The following PLB1 variants were observed in gnomAD, a reference collection of about 807,000 sequenced individuals.
The protein encoded by PLB1 is phospholipase B1.
PLB1 carries 242 observed loss-of-function variants against 227.4 expected under a neutral mutation model. The ratio of observed to expected loss-of-function variants is 1.06; its 90% CI spans 0.96 to 1.18. The LOEUF (loss-of-function observed/expected upper bound fraction) is 1.18, where lower values mean the gene tolerates loss of function less well. Ranked by LOEUF, PLB1 falls within the 50% of genes most tolerant of loss-of-function variation. PLB1 has a pLI of 0.00. For synonymous variants in PLB1, 757 were observed against 682.2 expected (o/e 1.11, Z -1.71); for missense variants, 1,858 against 1,816.3 (o/e 1.02, Z -0.42).
At chr2:28,528,424 A>C (rs1443050324) in intron 6 of PLB1, among the ~76,000 whole-genome samples, 1 of 152,184 alleles carries the variant, frequency 6.6e-6, no homozygotes, top group Non-Finnish European at 1.5e-5. Flanking sequence ...TCTGGCTGTC[A>C]GCTCTGGGAC....
chr2:28,541,649 G>A (rs901054260), intron 12 of PLB1, 58 bp from the exon 13 acceptor site: 12 of 1,361,558 alleles, frequency 8.8e-6, no homozygotes, highest in Non-Finnish European at 1.2e-5. Context: ...GTCAGGTCTG[G>A]GGCCGGCTCT....
intron 1 of PLB1, among the ~76,000 whole-genome samples, chr2:28,499,295 A>G (rs1037567675): frequency 8.5e-5 from 13 of 152,272 alleles, no homozygotes; most frequent in African/African-American, 2.6e-4. Flanking sequence ...TAATGCACAT[A>G]GCGTTGTTCC....
At chr2:28,618,501 C>A in intron 46 of PLB1, 102 bp downstream of exon 46, 2 of 1,250,408 alleles carry the variant, frequency 1.6e-6, no homozygotes, top group South Asian at 1.2e-5. Flanking sequence ...CAGTGCTGAG[C>A]CCGTGTTACT....
chr2:28,519,509 G>A (rs897719159), intron 3 of PLB1, among the ~76,000 whole-genome samples, 196 bp from the exon 4 acceptor site: 6 of 152,340 alleles, frequency 3.9e-5, no homozygotes, highest in Admixed American at 1.3e-4. Context: ...AGGGGAGCGG[G>A]TGTCTTTCTG....
chr2:28,619,519 G>GTTTTTTTTTTTTTTTTT (rs776491318), intron 46 of PLB1, among the ~76,000 whole-genome samples: 1 of 124,610 alleles, frequency 8.0e-6, no homozygotes, highest in Non-Finnish European at 1.7e-5. Context: ...AAATTTCAAG[G>GTTTTTTTTTTTTTTTTT]TTTTGTTTTT....
intron 20 of PLB1, among the ~76,000 whole-genome samples, chr2:28,567,064 G>A (rs545756589): frequency 2.7e-5 from 4 of 149,670 alleles, no homozygotes; most frequent in East Asian, 2.0e-4. Flanking sequence ...GGGGCCGGGG[G>A]CGGGGAGGTG....
chr2:28,569,973 A>T (rs1339194973), intron 20 of PLB1, among the ~76,000 whole-genome samples: 5 of 135,898 alleles, frequency 3.7e-5, no homozygotes, highest in African/African-American at 1.3e-4. Context: ...CTCAAAAAAA[A>T]AAAAAAGAAA....
At chr2:28,539,742 A>G (rs1268512047) in intron 11 of PLB1, among the ~76,000 whole-genome samples, 1 of 151,980 alleles carries the variant, frequency 6.6e-6, no homozygotes, top group South Asian at 2.1e-4. Flanking sequence ...AGGGCTCTGA[A>G]GAGGATGCAA....
At chr2:28,633,197 G>A in intron 56 of PLB1, 158 bp downstream of exon 56, 2 of 592,710 alleles carry the variant, frequency 3.4e-6, no homozygotes, top group South Asian at 2.1e-5. Context: ...AATTCCAAAG[G>A]GAAAATACCC....
chr2:28,625,173 G>A, intron 50 of PLB1, 65 bp downstream of exon 50: 1 of 1,445,134 alleles, frequency 6.9e-7, no homozygotes, highest in Non-Finnish European at 9.7e-7. Flanking sequence ...GGAGGGGACA[G>A]CCCCATAAGG....
At chr2:28,532,527 A>G (rs1051825719) in intron 9 of PLB1, among the ~76,000 whole-genome samples, 6 of 152,246 alleles carry the variant, frequency 3.9e-5, no homozygotes, top group Non-Finnish European at 5.9e-5. Context: ...ATAATGTTGT[A>G]CATATGACAT....
At chr2:28,545,342 TC>T (rs989433779) in intron 14 of PLB1, among the ~76,000 whole-genome samples, 1 of 152,004 alleles carries the variant, frequency 6.6e-6, no homozygotes, top group Non-Finnish European at 1.5e-5. Context: ...TCCCCAAGCA[TC>T]CCCAGTCCCT....
intron 13 of PLB1, among the ~76,000 whole-genome samples, chr2:28,542,937 C>T (rs2148210939): frequency 6.6e-6 from 1 of 152,306 alleles, no homozygotes; most frequent in East Asian, 1.9e-4. Flanking sequence ...TTCCCTGCCA[C>T]CCCCTCCTTC....
rs1219159455 is a variant in PLB1 at position 28,614,054 on chromosome 2, T to A, written c.3153T>A (p.Pro1051=). ...PTQNEPFLRT[P]RNSNYTYPIK... is the part of the protein sequence containing the mutation. ...AGAATGAGCCCTTCCTGAGAACCCC[T>A]CGGAATAGTAACTACACGTACCCCA... The change falls in exon 44 of 58, where the codon CCT becomes CCA. Residue 1051 remains proline, a synonymous_variant. Transcript: ENST00000327757. 1 of 1,612,948 alleles carries A rather than the reference T, an allele frequency of 6.2e-7. No homozygotes were observed. The highest frequency in any genetic ancestry group is 2.2e-5 in the East Asian group (1 of 44,866).
At chr2:28,571,427 C>T (rs1677999540) in intron 20 of PLB1, among the ~76,000 whole-genome samples, 1 of 152,168 alleles carries the variant, frequency 6.6e-6, no homozygotes, top group African/African-American at 2.4e-5. Context: ...CCAGCTAGCT[C>T]CTTTGCAGAA....
intron 43 of PLB1, among the ~76,000 whole-genome samples, chr2:28,610,350 T>G (rs1285392763): frequency 6.6e-6 from 1 of 151,826 alleles, no homozygotes; most frequent in African/African-American, 2.4e-5. Context: ...GGGGTCTCAC[T>G]CTGTTGCCCA....
At chr2:28,619,192 C>A (rs1398316015) in intron 46 of PLB1, among the ~76,000 whole-genome samples, 1 of 152,208 alleles carries the variant, frequency 6.6e-6, no homozygotes, top group African/African-American at 2.4e-5. Context: ...CCTCTCCCTC[C>A]TCACACCCTC....
At chr2:28,560,792 G>A (rs1436095172) in intron 17 of PLB1, among the ~76,000 whole-genome samples, 1 of 152,136 alleles carries the variant, frequency 6.6e-6, no homozygotes, top group Non-Finnish European at 1.5e-5. Flanking sequence ...ATCTATAGAG[G>A]CAGAAAGCAG....
At chr2:28,562,281 C>T (rs1676170077) in intron 17 of PLB1, among the ~76,000 whole-genome samples, 3 of 152,006 alleles carry the variant, frequency 2.0e-5, no homozygotes, top group Non-Finnish European at 4.4e-5. Context: ...CGTTGGCTCT[C>T]GCCTGTAATC....
Sources: gnomAD v4.1 joint callset for allele counts (sites outside exome capture counted in the v4.1 genomes callset) on GRCh38, gnomAD v4.1.1 for gene constraint, MANE v1.5 for transcripts, NCBI Gene and HGNC (gene_info 2026-07-23, HGNC 2026-07-21) for gene names.